The following DPP10 variants were observed in gnomAD, a reference collection of about 807,000 sequenced individuals.
DPP10 encodes the protein dipeptidyl peptidase like 10, also known as inactive dipeptidyl peptidase 10.
DPP10 carries 33 observed loss-of-function variants against 120.9 expected under a neutral mutation model. The observed-to-expected ratio is 0.27, with a 90% CI of 0.21 to 0.37. The LOEUF (loss-of-function observed/expected upper bound fraction) is 0.37, where lower values mean the gene tolerates loss of function less well. Ranked by LOEUF, DPP10 falls within the 10% of genes least tolerant of loss-of-function variation. The probability of loss-of-function intolerance (pLI) is 1.00; values close to 1 mark genes in which losing one functional copy is unlikely to be tolerated. For missense variants in DPP10, 816 were observed against 942.8 expected (o/e 0.87, Z 1.76); for synonymous variants, 337 against 326.1 (o/e 1.03, Z -0.36).
At chr2:114,790,361 A>G (rs1164711843) in intron 1 of DPP10, among the ~76,000 whole-genome samples, 1 of 152,236 alleles carries the variant, frequency 6.6e-6, no homozygotes, top group Non-Finnish European at 1.5e-5. Flanking sequence ...TAGGTAATTT[A>G]CTGTAACATA....
At position 114,534,025 on chromosome 2, in the gene DPP10, ATGTTCTACATACTT is replaced by A. The variant is rs557364234; in HGVS notation, c.60+91196_60+91209del. ...AGAACATCTGTTATTTGGATATGGGATGTTCTACATACTTTGTTCTACTTTACAGTATATTCTCT... is the reference window on the plus strand; with the variant it reads ...AGAACATCTGTTATTTGGATATGGGATGTTCTACTTTACAGTATATTCTCT... On this transcript the variant is annotated intron_variant, in intron 1 of 25. Coordinates refer to ENST00000410059, the MANE Select transcript of DPP10 (RefSeq NM_020868.6). Among the ~76,000 whole-genome samples, 506 of 152,286 alleles carry A rather than the reference ATGTTCTACATACTT, an allele frequency of 3.3e-3. 3 individuals carry two copies. Among genetic ancestry groups the A allele is most frequent in the African/African-American group, 0.011 (463 of 41,558 alleles).
intron 1 of DPP10, among the ~76,000 whole-genome samples, chr2:114,652,395 T>G (rs573943342): frequency 6.6e-6 from 1 of 152,320 alleles, no homozygotes; most frequent in African/African-American, 2.4e-5. Flanking sequence ...TTCTCCATCT[T>G]CTTAGCTGCC....
chr2:114,908,143 C>T (rs1221015510), intron 1 of DPP10, among the ~76,000 whole-genome samples: 1 of 151,888 alleles, frequency 6.6e-6, no homozygotes, highest in African/African-American at 2.4e-5. Context: ...CTCAGGGTTG[C>T]TATTTGTATT....
At chr2:114,817,938 A>G (rs1390277881) in intron 1 of DPP10, among the ~76,000 whole-genome samples, 1 of 152,222 alleles carries the variant, frequency 6.6e-6, no homozygotes, top group Non-Finnish European at 1.5e-5. Context: ...TTATTGGCAG[A>G]GTTTATCTAA....
intron 1 of DPP10, among the ~76,000 whole-genome samples, chr2:115,040,043 T>G (rs1452971383): frequency 6.6e-6 from 1 of 152,178 alleles, no homozygotes; most frequent in Non-Finnish European, 1.5e-5. Flanking sequence ...TAAGAAGTAA[T>G]TTTACTAGAA....
chr2:115,831,652 A>G (rs967275066), intron 21 of DPP10, among the ~76,000 whole-genome samples: 1 of 152,208 alleles, frequency 6.6e-6, no homozygotes, highest in Admixed American at 6.5e-5. Flanking sequence ...ATTTTGAGTA[A>G]ATGGCATTGC....
intron 1 of DPP10, among the ~76,000 whole-genome samples, chr2:115,127,678 A>G (rs2050146225): frequency 6.6e-6 from 1 of 152,206 alleles, no homozygotes; most frequent in Non-Finnish European, 1.5e-5. Context: ...TTAATTTGTA[A>G]TGTTGTCTGT....
chr2:114,754,562 C>T (rs771531295), intron 1 of DPP10, among the ~76,000 whole-genome samples: 1 of 152,138 alleles, frequency 6.6e-6, no homozygotes, highest in Non-Finnish European at 1.5e-5. Flanking sequence ...TTCAAATCAC[C>T]TGGGAGCATT....
chr2:114,629,025 G>A (rs780157043), intron 1 of DPP10, among the ~76,000 whole-genome samples: 1 of 152,108 alleles, frequency 6.6e-6, no homozygotes, highest in Non-Finnish European at 1.5e-5. Flanking sequence ...ATTTCATCAT[G>A]ACACATGAGA....
intron 1 of DPP10, among the ~76,000 whole-genome samples, chr2:114,485,396 A>G (rs1681418730): frequency 6.6e-6 from 1 of 152,092 alleles, no homozygotes. Context: ...TGAAGGTTAA[A>G]TCAGAGAGGA....
intron 8 of DPP10, among the ~76,000 whole-genome samples, chr2:115,732,663 A>G (rs1257929086): frequency 2.0e-5 from 3 of 152,186 alleles, no homozygotes. Context: ...TACCCACTTC[A>G]CAGCTTTGAA....
chr2:115,171,358 CAA>C (rs752738778), intron 1 of DPP10, among the ~76,000 whole-genome samples: 12,089 of 114,272 alleles, frequency 0.11, 667 homozygotes, highest in East Asian at 0.37. Context: ...GAGACTCCAT[CAA>C]AAAAAAAAAA....
At chr2:114,670,099 G>A (rs535633231) in intron 1 of DPP10, among the ~76,000 whole-genome samples, 312 of 152,268 alleles carry the variant, frequency 2.0e-3, no homozygotes, top group Non-Finnish European at 2.6e-3. Context: ...AACCATTGTG[G>A]AAGTCGGTGT....
chr2:115,509,914 A>G (rs1018831366), intron 4 of DPP10, among the ~76,000 whole-genome samples: 1 of 152,160 alleles, frequency 6.6e-6, no homozygotes, highest in African/African-American at 2.4e-5. Flanking sequence ...GTGTGAAGTA[A>G]TATCTTGCCA....
chr2:114,490,357 C>A (rs979176779), intron 1 of DPP10, among the ~76,000 whole-genome samples: 1 of 152,156 alleles, frequency 6.6e-6, no homozygotes, highest in Admixed American at 6.5e-5. Flanking sequence ...TTCCTACTTC[C>A]ATCAGCTATA....
rs939254619 is a variant in DPP10 at position 114,931,602 on chromosome 2, G to T, written c.61-377637G>T. ...GATCAAATTTCAACATGAGATTTAC[G>T]GAGACAAACATCCAAACTATAGCAC... is the stretch of plus-strand genomic sequence containing the variant. On this transcript the variant is annotated intron_variant, in intron 1 of 25. Coordinates refer to ENST00000410059, the MANE Select transcript of DPP10 (RefSeq NM_020868.6). 2.0e-5 allele frequency among the ~76,000 whole-genome samples: 3 copies of T among 152,150 alleles called. No individual in the cohort carries two copies. The East Asian group carries it at 5.8e-4, about 29-fold the overall frequency.
At chr2:115,468,400 A>G in intron 3 of DPP10, 1 of 493,080 alleles carries the variant, frequency 2.0e-6, no homozygotes, top group Admixed American at 2.1e-5. Context: ...GCAGCCTTTC[A>G]GGAGCCACAG....
chr2:115,032,738 A>T (rs1357334320), intron 1 of DPP10, among the ~76,000 whole-genome samples: 2 of 151,786 alleles, frequency 1.3e-5, no homozygotes. Context: ...AACAAAAATT[A>T]GCTGAGTGCA....
Position 115,315,920 on chromosome 2 carries a change from G to C in DPP10, c.175+6567G>C, listed in dbSNP as rs370335595. ...AAAATAATTTCCTCTGGCATTAACG[G>C]AATAAAAACAGTTACTTTTTTGTCT... On this transcript the variant is annotated intron_variant, in intron 2 of 25. Coordinates refer to ENST00000410059, the MANE Select transcript of DPP10 (RefSeq NM_020868.6). Among the ~76,000 whole-genome samples the C allele has an allele frequency of 3.2e-4, 49 of 152,084 alleles. 2 individuals carry two copies. The East Asian group carries it at 7.4e-3, about 23-fold the overall frequency.
Sources: gnomAD v4.1 joint callset for allele counts (sites outside exome capture counted in the v4.1 genomes callset) on GRCh38, gnomAD v4.1.1 for gene constraint, MANE v1.5 for transcripts, NCBI Gene and HGNC (gene_info 2026-07-23, HGNC 2026-07-21) for gene names.